NEBL: variants seen among roughly 807,000 people sequenced by gnomAD.
NEBL encodes nebulette, also known as LIM and SH3 protein 2.
Under a neutral mutation model 140.2 loss-of-function variants are expected in NEBL, and 122 were observed. That is an observed-to-expected ratio of 0.87 (90% CI 0.75 to 1.01). The LOEUF (loss-of-function observed/expected upper bound fraction) is 1.01, where lower values mean the gene tolerates loss of function less well. NEBL is among the 50% of genes least tolerant of loss of function. NEBL has a pLI of 0.00. For missense variants in NEBL, 1,365 were observed against 1,231.3 expected, an observed-to-expected ratio of 1.11 and a Z score of -1.62; for synonymous variants, 436 against 398.9, an observed-to-expected ratio of 1.09 and a Z score of -1.11.
chr10:21,115,924 T>C (rs1372591875), intron 2 of NEBL, among the ~76,000 whole-genome samples: 3 of 152,156 alleles, frequency 2.0e-5, no homozygotes, highest in Non-Finnish European at 4.4e-5. Context: ...TACTCACTGA[T>C]GCTCCGTTAA....
At position 21,207,373 on chromosome 10, in the gene NEBL, G is replaced by A. The variant is rs552513980; in HGVS notation, n.349-34896C>T. ...CTATGTGACTTTCAGTCATAAGGAA[G>A]TGAGTCAAAGTACAGCCTGATTAAT... is the stretch of plus-strand genomic sequence containing the variant. On this transcript the variant is annotated intron_variant and non_coding_transcript_variant, in intron 3 of 8. Transcript: ENST00000675702. Among the ~76,000 whole-genome samples, 14 of 152,266 alleles carry A rather than the reference G, an allele frequency of 9.2e-5. 1 individual carries two copies. The South Asian group carries it at 2.9e-3, about 32-fold the overall frequency.
At chr10:20,977,651 A>C (rs1221806418) in intron 3 of NEBL, among the ~76,000 whole-genome samples, 3 of 152,188 alleles carry the variant, frequency 2.0e-5, no homozygotes, top group South Asian at 4.1e-4. Context: ...AGATTGAATC[A>C]ATCAAAAGAC....
At chr10:20,962,534 T>C (rs1197344829) in intron 3 of NEBL, among the ~76,000 whole-genome samples, 1 of 152,258 alleles carries the variant, frequency 6.6e-6, no homozygotes, top group Non-Finnish European at 1.5e-5. Context: ...CCAATGGAGC[T>C]GAATTTTACT....
intron 3 of NEBL, among the ~76,000 whole-genome samples, chr10:21,204,948 C>G (rs1306281223): frequency 6.6e-6 from 1 of 152,204 alleles, no homozygotes; most frequent in East Asian, 1.9e-4. Flanking sequence ...CTTTTCCTGG[C>G]TGCCTAGCCT....
intron 2 of NEBL, among the ~76,000 whole-genome samples, chr10:21,094,288 G>A (rs1440639908): frequency 2.0e-5 from 3 of 152,058 alleles, no homozygotes; most frequent in Non-Finnish European, 4.4e-5. Context: ...GGATCACGAG[G>A]TCAGGAGATC....
At chr10:20,902,441 T>C (rs775123467) in intron 4 of NEBL, among the ~76,000 whole-genome samples, 1 of 151,950 alleles carries the variant, frequency 6.6e-6, no homozygotes, top group Non-Finnish European at 1.5e-5. Context: ...ATATTCCATA[T>C]GTATATTCCC....
chr10:20,954,025 G>GAAAAAAAAAAAAAAAAA (rs200642113), intron 4 of NEBL, among the ~76,000 whole-genome samples: 1 of 125,726 alleles, frequency 8.0e-6, no homozygotes. Flanking sequence ...TCTTCTTAAG[G>GAAAAAAAAAAAAAAAAA]AAAAAAAAAA....
At chr10:21,239,202 T>C (rs1382726712) in intron 3 of NEBL, among the ~76,000 whole-genome samples, 1 of 152,168 alleles carries the variant, frequency 6.6e-6, no homozygotes, top group Non-Finnish European at 1.5e-5. Flanking sequence ...TAGTCCCAAG[T>C]CTGTTCCAAC....
At chr10:21,054,431 C>T (rs1300214076) in intron 2 of NEBL, among the ~76,000 whole-genome samples, 4 of 152,264 alleles carry the variant, frequency 2.6e-5, no homozygotes, top group East Asian at 1.9e-4. Context: ...CAAGCATTTC[C>T]GGGTCATTCT....
intron 2 of NEBL, among the ~76,000 whole-genome samples, chr10:21,060,914 G>C (rs904090560): frequency 1.3e-5 from 2 of 151,910 alleles, no homozygotes; most frequent in African/African-American, 4.8e-5. Context: ...TTGGCTTCTG[G>C]AGTGCCATGC....
chr10:21,134,024 C>T (rs1164534162), intron 2 of NEBL, among the ~76,000 whole-genome samples: 1 of 152,038 alleles, frequency 6.6e-6, no homozygotes, highest in African/African-American at 2.4e-5. Flanking sequence ...GTCAGGAGTT[C>T]GAGGTCAGCC....
intron 3 of NEBL, among the ~76,000 whole-genome samples, chr10:20,963,003 A>ACACAC (rs1836121875): frequency 5.6e-5 from 8 of 143,210 alleles, no homozygotes; most frequent in African/African-American, 1.6e-4. Flanking sequence ...TTGAAAGAAA[A>ACACAC]ACACACACAC....
At chr10:21,076,699 T>A (rs1002126991) in intron 2 of NEBL, among the ~76,000 whole-genome samples, 17 of 152,196 alleles carry the variant, frequency 1.1e-4, no homozygotes, top group Non-Finnish European at 2.2e-4. Flanking sequence ...AAAGAAATTC[T>A]GATGCATACT....
At chr10:21,243,567 T>C (rs1219617081) in intron 3 of NEBL, among the ~76,000 whole-genome samples, 2 of 152,068 alleles carry the variant, frequency 1.3e-5, no homozygotes, top group African/African-American at 4.8e-5. Flanking sequence ...CCACCATGCC[T>C]GGCCCATATT....
chr10:20,824,280 A>G (rs2130860126), intron 18 of NEBL, among the ~76,000 whole-genome samples: 1 of 152,332 alleles, frequency 6.6e-6, no homozygotes, highest in Admixed American at 6.5e-5. Flanking sequence ...TGTTTCAGAA[A>G]TCACCTGGTA....
At chr10:21,053,861 A>T (rs973848179) in intron 2 of NEBL, among the ~76,000 whole-genome samples, 1 of 152,072 alleles carries the variant, frequency 6.6e-6, no homozygotes, top group African/African-American at 2.4e-5. Context: ...GGTGAAGCCC[A>T]GTCACTACCA....
intron 3 of NEBL, among the ~76,000 whole-genome samples, chr10:21,203,181 A>G (rs1379347148): frequency 6.6e-6 from 1 of 152,246 alleles, no homozygotes; most frequent in African/African-American, 2.4e-5. Context: ...TCCTGCAAAC[A>G]GGATTCTTGA....
intron 4 of NEBL, among the ~76,000 whole-genome samples, chr10:20,923,479 C>T (rs1336572716): frequency 1.3e-5 from 2 of 151,482 alleles, no homozygotes; most frequent in Non-Finnish European, 2.9e-5. Flanking sequence ...GAGATCAAGA[C>T]CATCCTGACT....
intron 2 of NEBL, among the ~76,000 whole-genome samples, chr10:21,150,039 C>T (rs188781818): frequency 2.6e-5 from 4 of 152,214 alleles, no homozygotes; most frequent in Admixed American, 2.6e-4. Flanking sequence ...AGTTATGTTC[C>T]TTTTTTAGCA....
Sources: allele counts gnomAD v4.1 joint callset (sites outside exome capture counted in the v4.1 genomes callset), GRCh38; gene constraint gnomAD v4.1.1; transcripts MANE v1.5; gene names NCBI Gene and HGNC (gene_info 2026-07-23, HGNC 2026-07-21).